Variants in PPM1D observed in about 807,000 individuals in gnomAD.
PPM1D encodes the protein protein phosphatase, Mg2+/Mn2+ dependent 1D, also known as protein phosphatase 1D.
PPM1D carries 52 observed loss-of-function variants against 58.3 expected under a neutral mutation model. The observed-to-expected ratio is 0.89, with a 90% CI of 0.71 to 1.12. The LOEUF is 1.12. Among genes scored for constraint, PPM1D ranks in the 50% most tolerant of loss-of-function variants. The probability of loss-of-function intolerance (pLI) is 0.00; values close to 1 mark genes in which losing one functional copy is unlikely to be tolerated. For missense variants in PPM1D, 564 were observed against 777.2 expected (o/e 0.73, Z 3.26); for synonymous variants, 278 against 285.1 (o/e 0.98, Z 0.25).
At chr17:60,655,890 A>T (rs2031429906) in intron 4 of PPM1D, among the ~76,000 whole-genome samples, 1 of 149,578 alleles carries the variant, frequency 6.7e-6, no homozygotes, top group Non-Finnish European at 1.5e-5. Flanking sequence ...TTTAGTAGAG[A>T]TAGGGTTTCA....
rs770966943 is a variant in PPM1D, at chr17:60,623,762, C to A, written c.701+13C>A. On this transcript the variant is annotated intron_variant, in intron 2 of 5. Coordinates refer to ENST00000305921, the MANE Select transcript of PPM1D (RefSeq NM_003620.4). ...GACTTGGTGGGAGGTAACATTCTGT[C>A]GTTTTCTCTTTCCTCTTTTGGTTCT... 2 of 1,610,978 alleles carry A rather than the reference C, an allele frequency of 1.2e-6. No homozygotes were observed. The highest frequency in any genetic ancestry group is 2.2e-5 in the South Asian group (2 of 90,918).
chr17:60,620,425 G>C (rs188586844), intron 1 of PPM1D, among the ~76,000 whole-genome samples: 68 of 152,286 alleles, frequency 4.5e-4, no homozygotes, highest in African/African-American at 1.6e-3. Flanking sequence ...TCTCCTGAAA[G>C]TTGCCTTTTC....
intron 3 of PPM1D, among the ~76,000 whole-genome samples, chr17:60,641,106 G>A (rs1271173295): frequency 1.3e-5 from 2 of 152,012 alleles, no homozygotes; most frequent in African/African-American, 2.4e-5. Flanking sequence ...ATTTTCCTTT[G>A]GATGTATACC....
At chr17:60,603,527 C>T (rs1210857664) in intron 1 of PPM1D, among the ~76,000 whole-genome samples, 1 of 152,166 alleles carries the variant, frequency 6.6e-6, no homozygotes. Flanking sequence ...CTTTGGGACA[C>T]AAAGGCAGGC....
intron 4 of PPM1D, among the ~76,000 whole-genome samples, chr17:60,654,573 T>G (rs2031399958): frequency 6.6e-6 from 1 of 151,322 alleles, no homozygotes; most frequent in Non-Finnish European, 1.5e-5. Context: ...TTTTAATACA[T>G]GCAGGCAGCC....
At chr17:60,630,888 T>TA (rs1466215174) in intron 2 of PPM1D, among the ~76,000 whole-genome samples, 1 of 152,252 alleles carries the variant, frequency 6.6e-6, no homozygotes, top group Non-Finnish European at 1.5e-5. Context: ...TGGCATCTTA[T>TA]AACTCTTGTG....
chr17:60,637,742 C>T (rs926768496), intron 3 of PPM1D, among the ~76,000 whole-genome samples: 5 of 151,642 alleles, frequency 3.3e-5, no homozygotes, highest in South Asian at 2.1e-4. Context: ...TGTTAAGACT[C>T]GGGGGATGTG....
At chr17:60,612,321 A>G (rs1390127651) in intron 1 of PPM1D, among the ~76,000 whole-genome samples, 4 of 152,164 alleles carry the variant, frequency 2.6e-5, no homozygotes, top group Admixed American at 2.6e-4. Flanking sequence ...CAACAGGGAT[A>G]TGTTCTGAGA....
chr17:60,630,855 A>C (rs1031308755), intron 2 of PPM1D, among the ~76,000 whole-genome samples: 6 of 152,204 alleles, frequency 3.9e-5, no homozygotes, highest in Non-Finnish European at 8.8e-5. Context: ...ATAGAGCTTT[A>C]AGATGGTATT....
At chr17:60,626,700 T>A (rs2030817679) in intron 2 of PPM1D, among the ~76,000 whole-genome samples, 1 of 152,022 alleles carries the variant, frequency 6.6e-6, no homozygotes, top group Non-Finnish European at 1.5e-5. Flanking sequence ...GGCAATGATG[T>A]TGTTTTAAAA....
In PPM1D at chr17:60,633,574, G is replaced by T. The variant is rs73990914; in HGVS notation, c.702-279G>T. Among the ~76,000 whole-genome samples, 7,073 of 151,886 alleles carry T rather than the reference G, an allele frequency of 0.047. 580 individuals are homozygous for T. The highest frequency in any genetic ancestry group is 0.16 in the African/African-American group (6,681 of 41,390). ...CCCAATTGTTTACTAATTAGGTAGT[G>T]TTGCTTTTTTTTTGACATGGTATTT... On this transcript the variant is annotated intron_variant, in intron 2 of 5. Transcript: ENST00000305921.
At chr17:60,610,973 T>A (rs2143630391) in intron 1 of PPM1D, among the ~76,000 whole-genome samples, 1 of 152,352 alleles carries the variant, frequency 6.6e-6, no homozygotes, top group Admixed American at 6.5e-5. Flanking sequence ...TATATCTTAT[T>A]GTGGTTTTAA....
At chr17:60,644,694 T>C (rs1383778785) in intron 3 of PPM1D, among the ~76,000 whole-genome samples, 1 of 152,168 alleles carries the variant, frequency 6.6e-6, no homozygotes, top group Non-Finnish European at 1.5e-5. Context: ...TCCAACACTA[T>C]CTGCATAAAA....
chr17:60,622,976 A>G (rs1413154455), intron 1 of PPM1D, among the ~76,000 whole-genome samples: 1 of 152,158 alleles, frequency 6.6e-6, no homozygotes, highest in African/African-American at 2.4e-5. Flanking sequence ...AGGCGCCTGT[A>G]ATACCAGCTA....
chr17:60,603,944 T>TC (rs897315306), intron 1 of PPM1D, among the ~76,000 whole-genome samples: 6 of 152,054 alleles, frequency 3.9e-5, no homozygotes, highest in African/African-American at 7.2e-5. Flanking sequence ...GTAGCTATTT[T>TC]CCCCCCCAGA....
At chr17:60,630,705 G>T (rs958185907) in intron 2 of PPM1D, among the ~76,000 whole-genome samples, 2 of 152,008 alleles carry the variant, frequency 1.3e-5, no homozygotes, top group African/African-American at 4.8e-5. Flanking sequence ...TTGTCTTTTT[G>T]TTTCTCAGAA....
intron 4 of PPM1D, among the ~76,000 whole-genome samples, chr17:60,656,248 TC>T (rs778648602): frequency 1.8e-5 from 2 of 112,740 alleles, no homozygotes; most frequent in Non-Finnish European, 2.0e-5. Flanking sequence ...GGTCAGGAGA[TC>T]AAGACCATCC....
intron 1 of PPM1D, among the ~76,000 whole-genome samples, chr17:60,605,872 T>G (rs2030319035): frequency 6.6e-6 from 1 of 152,212 alleles, no homozygotes; most frequent in Admixed American, 6.5e-5. Context: ...GCCATTGCAC[T>G]CCAGCCTGGG....
intron 1 of PPM1D, among the ~76,000 whole-genome samples, chr17:60,609,815 T>C (rs1361797651): frequency 1.3e-5 from 2 of 152,232 alleles, no homozygotes; most frequent in Non-Finnish European, 2.9e-5. Context: ...CATATTGTTA[T>C]ACTTGTTTTA....
Sources: allele counts gnomAD v4.1 joint callset (sites outside exome capture counted in the v4.1 genomes callset), GRCh38; gene constraint gnomAD v4.1.1; transcripts MANE v1.5; gene names NCBI Gene and HGNC (gene_info 2026-07-23, HGNC 2026-07-21).